Variants in ATXN7L1 observed in about 807,000 individuals in gnomAD.
ATXN7L1 encodes ataxin-7-like protein 1.
ATXN7L1 carries 15 observed loss-of-function variants against 70.8 expected under a neutral mutation model. The observed-to-expected ratio is 0.21, with a 90% CI of 0.14 to 0.33. The LOEUF is 0.33. Ranked by LOEUF, ATXN7L1 falls within the 10% of genes least tolerant of loss-of-function variation. The pLI, the probability that ATXN7L1 is intolerant of heterozygous loss-of-function variation, is 1.00. For synonymous variants in ATXN7L1, 440 were observed against 445.1 expected (o/e 0.99, Z 0.14); for missense variants, 975 against 1,097.1 (o/e 0.89, Z 1.57).
chr7:105,865,489 C>T (rs1198490149), intron 2 of ATXN7L1, among the ~76,000 whole-genome samples: 1 of 151,982 alleles, frequency 6.6e-6, no homozygotes, highest in African/African-American at 2.4e-5. Flanking sequence ...GCAACCTCCG[C>T]CTCCCGGGTT....
At chr7:105,608,921 A>C (rs1168677351) in intron 11 of ATXN7L1, among the ~76,000 whole-genome samples, 1 of 152,188 alleles carries the variant, frequency 6.6e-6, no homozygotes, top group Non-Finnish European at 1.5e-5. Context: ...TTTTCCAATC[A>C]TGTGTAAGGG....
At chr7:105,763,836 T>G (rs965766781) in intron 3 of ATXN7L1, among the ~76,000 whole-genome samples, 2 of 148,354 alleles carry the variant, frequency 1.3e-5, no homozygotes, top group South Asian at 2.1e-4. Context: ...CAAAATGTAG[T>G]TTTTTTTTTG....
intron 2 of ATXN7L1, among the ~76,000 whole-genome samples, chr7:105,838,120 T>C (rs1812676359): frequency 6.6e-6 from 1 of 152,128 alleles, no homozygotes; most frequent in Non-Finnish European, 1.5e-5. Flanking sequence ...TAGAGACCCA[T>C]AATGGCTCAG....
rs200955030 is a variant in ATXN7L1 at position 105,605,480 on chromosome 7, G to C, written c.*2372C>G. 217 of 100,040 alleles carry C rather than the reference G, an allele frequency of 2.2e-3. 8 individuals are homozygous for C. In the East Asian group the frequency reaches 0.045, roughly 21 times the overall value. 6.2% of individuals were successfully genotyped at this position (100,040 alleles called of 1,614,324 possible). A position where few individuals can be genotyped will look rare whatever the true frequency, so the allele number is the denominator to read the frequency against. ...TAAGCAGCATTCGATGAGGGTGGGG[G>C]GGGGGGTGGGGGCTCTTTATTCCAG... On this transcript the variant is annotated 3_prime_UTR_variant, in exon 12 of 12. Transcript: ENST00000419735.
chr7:105,626,755 A>G (rs1250346993), intron 7 of ATXN7L1, among the ~76,000 whole-genome samples: 1 of 151,438 alleles, frequency 6.6e-6, no homozygotes, highest in Non-Finnish European at 1.5e-5. Context: ...TGAGGCTGAA[A>G]CATAAAAAAA....
intron 2 of ATXN7L1, among the ~76,000 whole-genome samples, chr7:105,830,451 G>T (rs1403713589): frequency 6.6e-6 from 1 of 152,264 alleles, no homozygotes; most frequent in Non-Finnish European, 1.5e-5. Context: ...CGGGTGTGGG[G>T]TATGGCCATT....
At chr7:105,641,214 CTTTTTTTTTTTTTTTTTTTT>C (rs561100060) in intron 5 of ATXN7L1, among the ~76,000 whole-genome samples, 1 of 21,786 alleles carries the variant, frequency 4.6e-5, no homozygotes, top group Non-Finnish European at 8.6e-5. Context: ...CTCTCTCTCT[CTTTTTTTTTTTTTTTTTTTT>C]TTTTTTTTTT....
At chr7:105,776,197 C>T (rs1434252646) in intron 3 of ATXN7L1, among the ~76,000 whole-genome samples, 1 of 152,168 alleles carries the variant, frequency 6.6e-6, no homozygotes, top group African/African-American at 2.4e-5. Flanking sequence ...AAGGACACAC[C>T]AGTGATGAGT....
At chr7:105,791,818 G>A (rs903683408) in intron 2 of ATXN7L1, among the ~76,000 whole-genome samples, 1 of 152,124 alleles carries the variant, frequency 6.6e-6, no homozygotes, top group Non-Finnish European at 1.5e-5. Flanking sequence ...CATCCTTTCT[G>A]CAACAGGTCA....
At chr7:105,679,184 T>C (rs1194139946) in intron 3 of ATXN7L1, 2 of 968,318 alleles carry the variant, frequency 2.1e-6, no homozygotes, top group Non-Finnish European at 2.5e-6. Context: ...ACTTCCCCTT[T>C]AAGAGAGCAC....
chr7:105,825,507 A>T (rs1398061307), intron 2 of ATXN7L1, among the ~76,000 whole-genome samples: 1 of 151,732 alleles, frequency 6.6e-6, no homozygotes, highest in African/African-American at 2.4e-5. Context: ...GTAAGAATGC[A>T]AGTAAAAACC....
At chr7:105,618,296 AC>A (rs957270725) in intron 9 of ATXN7L1, among the ~76,000 whole-genome samples, 1 of 152,176 alleles carries the variant, frequency 6.6e-6, no homozygotes, top group Non-Finnish European at 1.5e-5. Flanking sequence ...GAGCACAGTC[AC>A]CCCACGTGTA....
intron 1 of ATXN7L1, 73 bp from the exon 2 acceptor site, chr7:105,875,953 AG>A: frequency 7.7e-7 from 1 of 1,291,222 alleles, no homozygotes. Context: ...TCAAGGGGGG[AG>A]GGAGAGTGTT....
chr7:105,791,308 A>G (rs1201939492), intron 2 of ATXN7L1, among the ~76,000 whole-genome samples: 1 of 152,126 alleles, frequency 6.6e-6, no homozygotes, highest in Non-Finnish European at 1.5e-5. Flanking sequence ...ATCTCTCCCT[A>G]CTGCCACTTC....
intron 3 of ATXN7L1, among the ~76,000 whole-genome samples, chr7:105,763,071 C>A (rs896175812): frequency 3.9e-5 from 6 of 152,212 alleles, no homozygotes; most frequent in Non-Finnish European, 8.8e-5. Flanking sequence ...CTGAGCCACT[C>A]CCAGATCCCT....
chr7:105,645,550 A>G (rs888663678), intron 4 of ATXN7L1, among the ~76,000 whole-genome samples: 1 of 150,970 alleles, frequency 6.6e-6, no homozygotes, highest in Non-Finnish European at 1.5e-5. Flanking sequence ...TAATCCCAGC[A>G]CTTTGGGAGG....
chr7:105,842,328 A>G (rs1437675419), intron 2 of ATXN7L1, among the ~76,000 whole-genome samples: 1 of 152,092 alleles, frequency 6.6e-6, no homozygotes, highest in African/African-American at 2.4e-5. Flanking sequence ...ATCTAATATG[A>G]GAATATTTTT....
intron 3 of ATXN7L1, among the ~76,000 whole-genome samples, chr7:105,673,418 C>T (rs1027466860): frequency 5.9e-5 from 9 of 152,236 alleles, no homozygotes; most frequent in Admixed American, 3.9e-4. Context: ...GCACCACAGT[C>T]GCTTGTGGCC....
At chr7:105,637,605 A>C (rs1185149983) in intron 7 of ATXN7L1, among the ~76,000 whole-genome samples, 1 of 152,198 alleles carries the variant, frequency 6.6e-6, no homozygotes, top group African/African-American at 2.4e-5. Flanking sequence ...TTTTTGAATA[A>C]GTGGTTCTCT....
Sources: gnomAD v4.1 joint callset for allele counts (sites outside exome capture counted in the v4.1 genomes callset) on GRCh38, gnomAD v4.1.1 for gene constraint, MANE v1.5 for transcripts, NCBI Gene and HGNC (gene_info 2026-07-23, HGNC 2026-07-21) for gene names.